The following KDM5B variants were observed in gnomAD, a reference collection of about 807,000 sequenced individuals.
The protein encoded by KDM5B is lysine-specific demethylase 5B.
In KDM5B, 144 loss-of-function variants were observed where a neutral mutation model predicts 193.4. That is an observed-to-expected ratio of 0.74 (90% CI 0.65 to 0.86). KDM5B has a LOEUF of 0.86. Ranked by LOEUF, KDM5B falls within the 40% of genes least tolerant of loss-of-function variation. KDM5B has a pLI of 0.00. For synonymous variants in KDM5B, 668 were observed against 682.6 expected, an observed-to-expected ratio of 0.98 and a Z score of 0.33; for missense variants, 1,833 against 1,886.9, an observed-to-expected ratio of 0.97 and a Z score of 0.53.
chr1:202,740,545 C>A (rs1655289689), intron 20 of KDM5B, 129 bp downstream of exon 20: 10 of 722,996 alleles, frequency 1.4e-5, no homozygotes, highest in Non-Finnish European at 2.0e-5. Flanking sequence ...GCAGAGGCGC[C>A]CCTCACCTCC....
chr1:202,758,811 G>A, intron 8 of KDM5B: 1 of 207,364 alleles, frequency 4.8e-6, no homozygotes, highest in Non-Finnish European at 9.8e-6. Context: ...ATCAAATAAT[G>A]TTTTCAATAC....
chr1:202,735,393 A>T, intron 22 of KDM5B, 36 bp downstream of exon 22: 1 of 1,583,196 alleles, frequency 6.3e-7, no homozygotes, highest in East Asian at 2.2e-5. Context: ...ATTCTTCCCA[A>T]TAACATAGAA....
intron 1 of KDM5B, among the ~76,000 whole-genome samples, chr1:202,784,227 A>C (rs1028444320): frequency 4.6e-5 from 7 of 152,238 alleles, no homozygotes; most frequent in Non-Finnish European, 7.3e-5. Context: ...AAAGGCTGTC[A>C]TTTTGAGATC....
intron 20 of KDM5B, among the ~76,000 whole-genome samples, chr1:202,737,797 A>G (rs1214801732): frequency 6.6e-6 from 1 of 152,228 alleles, no homozygotes; most frequent in South Asian, 2.1e-4. Context: ...AGATTAAAAG[A>G]AACTTAAAGA....
chr1:202,749,143 T>C lies in KDM5B; in HGVS notation c.1822-4A>G. The stretch of plus-strand genomic sequence containing the variant: ...CACACTGTCGGCCTAATGGCAGCTG[T>C]ATCAAAACACGGAAAGAAAAAAATA... On this transcript the variant is annotated splice_polypyrimidine_tract_variant and splice_region_variant and intron_variant, in intron 13 of 26. Coordinates refer to ENST00000367265, the MANE Select transcript of KDM5B (RefSeq NM_006618.5). 6.2e-6 allele frequency: 10 copies of C among 1,604,406 alleles called. No homozygotes were observed. The highest frequency in any genetic ancestry group is 7.6e-6 in the Non-Finnish European group (9 of 1,176,512).
intron 11 of KDM5B, 125 bp downstream of exon 11, chr1:202,755,146 A>G: frequency 1.5e-6 from 1 of 668,488 alleles, no homozygotes; most frequent in South Asian, 2.3e-5. Flanking sequence ...AACAGAAGTG[A>G]AAAACCTTAG....
chr1:202,742,512 A>C lies in KDM5B; in HGVS notation c.2475-7T>G, dbSNP rs757872928. 6.2e-7 allele frequency: 1 copy of C among 1,612,916 alleles called. No homozygotes were observed. The highest frequency in any genetic ancestry group is 8.5e-7 in the Non-Finnish European group (1 of 1,179,094). On this transcript the variant is annotated splice_region_variant and splice_polypyrimidine_tract_variant and intron_variant, in intron 17 of 26. Coordinates refer to ENST00000367265, the MANE Select transcript of KDM5B (RefSeq NM_006618.5). ...CCCTCCACCAGATCGATATCTGTAA[A>C]GACAAAGGCCCAAGGAAGCCATATA...
rs1051800269 is a variant in KDM5B at position 202,725,455 on chromosome 1, C to T, written c.*3581G>A. On this transcript the variant is annotated 3_prime_UTR_variant, in exon 27 of 27. Transcript: ENST00000367265. ...AGCCTCCCAAAAGAAAGCTGAGAAG[C>T]TTAAAATAGCCACATGCAAAGGATT... is the stretch of plus-strand genomic sequence containing the variant. 1.3e-5 allele frequency: 2 copies of T among 152,282 alleles called. No individual in the cohort carries two copies. Among genetic ancestry groups the T allele is most frequent in the African/African-American group, 2.4e-5 (1 of 41,556 alleles). 9.4% of individuals were successfully genotyped at this position (152,282 alleles called of 1,614,324 possible).
intron 4 of KDM5B, chr1:202,767,298 C>T: frequency 1.2e-6 from 2 of 1,609,320 alleles, no homozygotes; most frequent in South Asian, 1.1e-5. Context: ...AGTACAAACA[C>T]ATCTTAGCTA....
chr1:202,736,174 A>AGATC (rs1364274110), intron 21 of KDM5B, 39 bp downstream of exon 21: 1 of 1,400,112 alleles, frequency 7.1e-7, no homozygotes, highest in Non-Finnish European at 9.5e-7. Context: ...CCAAACTAGG[A>AGATC]GATCTAAGGT....
At chr1:202,758,105 G>A (rs1365689622) in intron 9 of KDM5B, among the ~76,000 whole-genome samples, 1 of 152,144 alleles carries the variant, frequency 6.6e-6, no homozygotes, top group Non-Finnish European at 1.5e-5. Flanking sequence ...CTTTATATTT[G>A]TTGGGCCAAA....
At position 202,767,029 on chromosome 1, in the gene KDM5B, G is replaced by C. The variant is rs2102283688; in HGVS notation, c.608C>G (p.Thr203Ser). ...ATGGGGTTTGTACTCCTTGTCCTTA[G>C]TGTCTGTGGTCAGGTTTGGCTTCTG... ...CLQKPNLTTD[T>S]KDKEYKPHDI... The change falls in exon 5 of 27, where the codon ACT becomes AGT. Residue 203 changes from threonine (T) to serine (S), a missense_variant. By Grantham distance (58) the Thr-to-Ser change is moderately conservative. Transcript: ENST00000367265. 1.9e-6 allele frequency: 3 copies of C among 1,609,290 alleles called. No homozygotes were observed. The highest frequency in any genetic ancestry group is 2.5e-6 in the Non-Finnish European group (3 of 1,178,946).
intron 3 of KDM5B, 73 bp from the exon 4 acceptor site, chr1:202,773,361 G>T: frequency 7.7e-7 from 1 of 1,301,470 alleles, no homozygotes; most frequent in Non-Finnish European, 1.1e-6. Flanking sequence ...GACTCCAAGG[G>T]GAAAATGTTC....
rs1174327028 is a variant in KDM5B at position 202,746,334 on chromosome 1, GTATACTT to G, written c.2017-18_2017-12del. 1 of 1,580,404 alleles carries G rather than the reference GTATACTT, an allele frequency of 6.3e-7. No homozygotes were observed. Among genetic ancestry groups the G allele is most frequent in the East Asian group, 2.3e-5 (1 of 44,378 alleles). On this transcript the variant is annotated splice_polypyrimidine_tract_variant and intron_variant, in intron 14 of 26. Coordinates refer to ENST00000367265, the MANE Select transcript of KDM5B (RefSeq NM_006618.5). ...CGAATCAATCACTCCCTAGAATAAA[GTATACTT>G]TAGAGAGACCTCCAAAGGATAATAT... is the stretch of plus-strand genomic sequence containing the variant.
chr1:202,793,181 G>A (rs1654433564), intron 1 of KDM5B, among the ~76,000 whole-genome samples: 1 of 152,144 alleles, frequency 6.6e-6, no homozygotes, highest in Non-Finnish European at 1.5e-5. Flanking sequence ...GGCAAGTCAA[G>A]TCTCTCAAGC....
intron 4 of KDM5B, among the ~76,000 whole-genome samples, chr1:202,772,718 C>T (rs1156968208): frequency 6.6e-6 from 1 of 150,596 alleles, no homozygotes; most frequent in Non-Finnish European, 1.5e-5. Context: ...CAGACGGAGT[C>T]TCAGAGTCTC....
rs1417553864 is a variant in KDM5B at position 202,731,859 on chromosome 1, G to A, written c.3990C>T (p.Phe1330=). ...GGGGGATACAACTTCGTCCAGTTGAGAAGGGGGAGTGCAAATATGAGGTTC... is the reference window on the plus strand; with the variant it reads ...GGGGGATACAACTTCGTCCAGTTGAAAAGGGGGAGTGCAAATATGAGGTTC... ...DNRTSYLHSP[F]STGRSCIPLH... Residue 1330 remains phenylalanine (F), a synonymous_variant, in exon 24 of 27, where the codon TTC becomes TTT. Transcript: ENST00000367265. The A allele has an allele frequency of 6.2e-7, 1 of 1,613,396 alleles. No homozygotes were observed. Among genetic ancestry groups the A allele is most frequent in the Non-Finnish European group, 8.5e-7 (1 of 1,179,472 alleles).
chr1:202,804,539 A>G (rs1218253609), intron 1 of KDM5B, among the ~76,000 whole-genome samples: 2 of 152,232 alleles, frequency 1.3e-5, no homozygotes, highest in African/African-American at 4.8e-5. Flanking sequence ...TAGGAGTGGA[A>G]CCAACAGGCT....
chr1:202,762,320 T>G (rs776988550), intron 7 of KDM5B, among the ~76,000 whole-genome samples: 1 of 152,186 alleles, frequency 6.6e-6, no homozygotes, highest in African/African-American at 2.4e-5. Context: ...AGCTGGGAAG[T>G]TGGAAAACAC....
Sources: gnomAD v4.1 joint callset for allele counts (sites outside exome capture counted in the v4.1 genomes callset) on GRCh38, gnomAD v4.1.1 for gene constraint, MANE v1.5 for transcripts, NCBI Gene and HGNC (gene_info 2026-07-23, HGNC 2026-07-21) for gene names.